DNAJB6: variants seen among roughly 807,000 people sequenced by gnomAD.
DNAJB6 encodes dnaJ homolog subfamily B member 6.
In DNAJB6, 16 loss-of-function variants were observed where a neutral mutation model predicts 42.7. That is an observed-to-expected ratio of 0.37 (90% confidence interval 0.25 to 0.57). The LOEUF (loss-of-function observed/expected upper bound fraction) is 0.57. Ranked by LOEUF, DNAJB6 falls within the 20% of genes least tolerant of loss-of-function variation. The probability of loss-of-function intolerance (pLI) is 0.74; values close to 1 mark genes in which losing one functional copy is unlikely to be tolerated. For missense variants in DNAJB6, 347 were observed against 416.8 expected (o/e 0.83, Z 1.46); for synonymous variants, 170 against 163.5 (o/e 1.04, Z -0.30).
Position 157,416,210 on chromosome 7 carries a change from A to T in DNAJB6, c.*112A>T. On this transcript the variant is annotated 3_prime_UTR_variant, in exon 10 of 10. Coordinates refer to ENST00000262177, the MANE Select transcript of DNAJB6 (RefSeq NM_058246.4). ...CGTCGGTCAGGACTGTCTCGAGGCC[A>T]CACTCGCTCGGCAGGATTATGCGAT... 6.7e-7 allele frequency: 1 copy of T among 1,489,392 alleles called. No homozygotes were observed. Among genetic ancestry groups the T allele is most frequent in the Non-Finnish European group, 9.1e-7 (1 of 1,099,796 alleles). The allele number at this position is 1,489,392 out of a possible 1,614,324, so 92.3% of individuals were successfully genotyped here.
chr7:157,409,713 G>C lies in DNAJB6; in HGVS notation c.692-82G>C. 3.5e-6 allele frequency: 5 copies of C among 1,409,020 alleles called. No individual in the cohort carries two copies. The South Asian group carries it at 5.8e-5, about 16-fold the overall frequency. The allele number at this position is 1,409,020 out of a possible 1,614,324, so 87.3% of individuals were successfully genotyped here. On this transcript the variant is annotated intron_variant, in intron 8 of 9. Coordinates refer to ENST00000262177, the MANE Select transcript of DNAJB6 (RefSeq NM_058246.4). ...CGTCTGGATTCAGGGAGATCGTGCG[G>C]CCAGCTTCCCTCCCTCTGCTCTGGA...
chr7:157,374,797 A>G (rs1800389514), intron 5 of DNAJB6, among the ~76,000 whole-genome samples: 1 of 152,138 alleles, frequency 6.6e-6, no homozygotes, highest in African/African-American at 2.4e-5. Flanking sequence ...CCATGCTGTA[A>G]GAGTTTGTGG....
intron 3 of DNAJB6, among the ~76,000 whole-genome samples, chr7:157,366,127 T>G (rs1799833362): frequency 6.6e-6 from 1 of 151,960 alleles, no homozygotes; most frequent in Non-Finnish European, 1.5e-5. Context: ...ATTATTGTAT[T>G]TTTACAAGAG....
At chr7:157,360,213 A>G (rs1799508019) in intron 2 of DNAJB6, among the ~76,000 whole-genome samples, 1 of 152,124 alleles carries the variant, frequency 6.6e-6, no homozygotes, top group Admixed American at 6.6e-5. Context: ...GGAGGGCGAA[A>G]GACACTTCTT....
At chr7:157,356,019 C>T (rs909594250) in intron 1 of DNAJB6, among the ~76,000 whole-genome samples, 2 of 152,212 alleles carry the variant, frequency 1.3e-5, no homozygotes, top group African/African-American at 2.4e-5. Context: ...CACACAAGTG[C>T]AGATAGAAGA....
chr7:157,362,917 G>A (rs1182811900), intron 2 of DNAJB6, among the ~76,000 whole-genome samples: 1 of 152,170 alleles, frequency 6.6e-6, no homozygotes, highest in Non-Finnish European at 1.5e-5. Flanking sequence ...TCAAGCAGTT[G>A]TCACGCCTCA....
At position 157,363,149 on chromosome 7, in the gene DNAJB6, A is replaced by T. The variant is rs1799687292; in HGVS notation, c.66-12A>T. On this transcript the variant is annotated splice_polypyrimidine_tract_variant and intron_variant, in intron 2 of 9. Coordinates refer to ENST00000262177, the MANE Select transcript of DNAJB6 (RefSeq NM_058246.4). ...ATTTAGAATGTGATCTATATCCTTT[A>T]TTCTTTCCAAGATATCGGAAACTGG... The T allele has an allele frequency of 1.9e-6, 3 of 1,562,562 alleles. No homozygotes were observed. The highest frequency in any genetic ancestry group is 2.6e-6 in the Non-Finnish European group (3 of 1,140,170).
At chr7:157,345,068 A>G (rs1258214035) in intron 1 of DNAJB6, among the ~76,000 whole-genome samples, 3 of 151,870 alleles carry the variant, frequency 2.0e-5, no homozygotes, top group Non-Finnish European at 2.9e-5. Context: ...GTCTCGGCTC[A>G]CTGCAACCTC....
At chr7:157,386,534 G>A (rs1412004343) in intron 8 of DNAJB6, among the ~76,000 whole-genome samples, 1 of 152,144 alleles carries the variant, frequency 6.6e-6, no homozygotes, top group African/African-American at 2.4e-5. Context: ...ACAGGAGAGG[G>A]AAGAAACCAT....
At chr7:157,339,361 G>C (rs1448859124) in intron 1 of DNAJB6, among the ~76,000 whole-genome samples, 1 of 141,454 alleles carries the variant, frequency 7.1e-6, no homozygotes, top group Non-Finnish European at 1.5e-5. Flanking sequence ...GCGGTGGCGC[G>C]ATCTCGGCTC....
intron 1 of DNAJB6, among the ~76,000 whole-genome samples, chr7:157,357,784 A>G (rs942616743): frequency 2.0e-5 from 3 of 152,154 alleles, no homozygotes; most frequent in Non-Finnish European, 4.4e-5. Flanking sequence ...TTCATTGTAC[A>G]TTTTACTGCC....
intron 8 of DNAJB6, among the ~76,000 whole-genome samples, chr7:157,406,799 T>A (rs1336920993): frequency 1.3e-5 from 2 of 152,234 alleles, no homozygotes; most frequent in Admixed American, 1.3e-4. Flanking sequence ...GCAGGTGTCT[T>A]CAATATTCAT....
At chr7:157,351,670 C>T (rs971035309) in intron 1 of DNAJB6, among the ~76,000 whole-genome samples, 5 of 148,168 alleles carry the variant, frequency 3.4e-5, no homozygotes, top group African/African-American at 1.3e-4. Flanking sequence ...ACAAAAAAAA[C>T]CACAAAACTT....
chr7:157,345,897 A>G (rs1192022568), intron 1 of DNAJB6, among the ~76,000 whole-genome samples: 2 of 151,934 alleles, frequency 1.3e-5, no homozygotes, highest in Admixed American at 1.3e-4. Flanking sequence ...ATTATTTTAA[A>G]ATGCAGGTGA....
At chr7:157,348,788 T>G (rs1220509944) in intron 1 of DNAJB6, among the ~76,000 whole-genome samples, 1 of 152,064 alleles carries the variant, frequency 6.6e-6, no homozygotes, top group African/African-American at 2.4e-5. Flanking sequence ...CTCCCTCCCC[T>G]CCCTCTTACT....
chr7:157,396,367 T>C (rs1290834512), intron 8 of DNAJB6, among the ~76,000 whole-genome samples: 3 of 152,236 alleles, frequency 2.0e-5, no homozygotes, highest in African/African-American at 7.2e-5. Flanking sequence ...GACGCTTAGA[T>C]GCCTAGGGTT....
At chr7:157,378,156 C>T (rs921246323) in intron 5 of DNAJB6, 5 of 152,216 alleles carry the variant, frequency 3.3e-5, no homozygotes, top group African/African-American at 1.2e-4. Flanking sequence ...TGTAACTGGT[C>T]CTGTGGACAC....
intron 6 of DNAJB6, among the ~76,000 whole-genome samples, chr7:157,383,152 G>GT (rs1325932019): frequency 6.6e-6 from 1 of 152,150 alleles, no homozygotes; most frequent in African/African-American, 2.4e-5. Flanking sequence ...GATCACAGGT[G>GT]TGCACCAGCA....
chr7:157,358,754 A>G lies in DNAJB6; in HGVS notation c.65+117A>G. 3.9e-6 allele frequency: 3 copies of G among 765,316 alleles called. No individual in the cohort carries two copies. The South Asian group carries it at 4.8e-5, about 12-fold the overall frequency. 47.4% of individuals were successfully genotyped at this position (765,316 alleles called of 1,614,324 possible). A position where few individuals can be genotyped will look rare whatever the true frequency, so the allele number is the denominator to read the frequency against. On this transcript the variant is annotated intron_variant, in intron 2 of 9. Coordinates refer to ENST00000262177, the MANE Select transcript of DNAJB6 (RefSeq NM_058246.4). ...TTTTAATGTAGTATACCAGTCTTTGAATGCCACATAGTTTAATTTGACAGA... is the reference window on the plus strand; with the variant it reads ...TTTTAATGTAGTATACCAGTCTTTGGATGCCACATAGTTTAATTTGACAGA...
Sources: allele counts gnomAD v4.1 joint callset (sites outside exome capture counted in the v4.1 genomes callset), GRCh38; gene constraint gnomAD v4.1.1; transcripts MANE v1.5; gene names NCBI Gene and HGNC (gene_info 2026-07-23, HGNC 2026-07-21).